The following CCSER1 variants were observed in gnomAD, a reference collection of about 807,000 sequenced individuals.
CCSER1 encodes serine-rich coiled-coil domain-containing protein 1.
CCSER1 carries 41 observed loss-of-function variants against 82.0 expected under a neutral mutation model. That is an observed-to-expected ratio of 0.50 (90% CI 0.39 to 0.65). The LOEUF (loss-of-function observed/expected upper bound fraction) is 0.65, where lower values mean the gene tolerates loss of function less well. Ranked by LOEUF, CCSER1 falls within the 30% of genes least tolerant of loss-of-function variation. The pLI, the probability that CCSER1 is intolerant of heterozygous loss-of-function variation, is 0.00. For synonymous variants in CCSER1, 414 were observed against 383.9 expected, an observed-to-expected ratio of 1.08 and a Z score of -0.92; for missense variants, 1,119 against 1,064.2, an observed-to-expected ratio of 1.05 and a Z score of -0.72.
intron 5 of CCSER1, among the ~76,000 whole-genome samples, chr4:90,506,086 C>A (rs1484814888): frequency 1.3e-5 from 2 of 152,130 alleles, no homozygotes; most frequent in Admixed American, 1.3e-4. Context: ...TTCCTCAGAC[C>A]TAGCACATGT....
At chr4:90,605,939 A>G (rs573398865) in intron 5 of CCSER1, among the ~76,000 whole-genome samples, 7 of 152,266 alleles carry the variant, frequency 4.6e-5, no homozygotes, top group Non-Finnish European at 1.5e-5. Flanking sequence ...TGCCAAATCA[A>G]TGCTTAAATT....
At chr4:90,749,915 A>C (rs994567068) in intron 7 of CCSER1, among the ~76,000 whole-genome samples, 7 of 151,912 alleles carry the variant, frequency 4.6e-5, no homozygotes, top group African/African-American at 9.7e-5. Context: ...CCAACAGTGT[A>C]AAAGTGTTCC....
At chr4:90,356,157 C>T (rs1005127923) in intron 3 of CCSER1, among the ~76,000 whole-genome samples, 1 of 151,840 alleles carries the variant, frequency 6.6e-6, no homozygotes. Context: ...GCCCAACTTA[C>T]AGTATATCAA....
chr4:91,211,826 T>C (rs1736845811), intron 10 of CCSER1, among the ~76,000 whole-genome samples: 1 of 150,852 alleles, frequency 6.6e-6, no homozygotes, highest in Non-Finnish European at 1.5e-5. Context: ...CAGTAGTAAA[T>C]AGTGATAGAA....
intron 6 of CCSER1, among the ~76,000 whole-genome samples, chr4:90,646,418 T>C (rs1399887661): frequency 6.6e-6 from 1 of 151,956 alleles, no homozygotes; most frequent in Non-Finnish European, 1.5e-5. Context: ...GTTTAGGAGG[T>C]AGAGTTGGAA....
chr4:90,406,100 G>A (rs1753681806), intron 4 of CCSER1, among the ~76,000 whole-genome samples: 1 of 152,098 alleles, frequency 6.6e-6, no homozygotes. Context: ...AAACAAGTTT[G>A]TTCTGTTTTC....
intron 10 of CCSER1, among the ~76,000 whole-genome samples, chr4:91,196,371 G>A (rs1319721955): frequency 2.6e-5 from 4 of 151,700 alleles, no homozygotes; most frequent in Admixed American, 2.0e-4. Context: ...ATTCAATAAG[G>A]AAGAGTAAAA....
chr4:91,088,684 A>G (rs1723630695), intron 10 of CCSER1, among the ~76,000 whole-genome samples: 1 of 152,182 alleles, frequency 6.6e-6, no homozygotes, highest in Admixed American at 6.5e-5. Context: ...TGATTATAAT[A>G]GATAATAAAA....
At chr4:90,733,318 C>T (rs189471604) in intron 7 of CCSER1, among the ~76,000 whole-genome samples, 15 of 152,190 alleles carry the variant, frequency 9.9e-5, no homozygotes, top group Admixed American at 3.3e-4. Flanking sequence ...ATGTGTTTCC[C>T]ATTTGTATAT....
intron 4 of CCSER1, among the ~76,000 whole-genome samples, chr4:90,412,134 T>A (rs545865621): frequency 4.6e-5 from 7 of 151,932 alleles, no homozygotes; most frequent in Admixed American, 4.6e-4. Flanking sequence ...CTATGCAGCC[T>A]TAAGAAAGGA....
chr4:91,218,800 CCTAT>C lies in CCSER1; in HGVS notation c.2217+132809_2217+132812del, dbSNP rs1302464647. On this transcript the variant is annotated intron_variant, in intron 10 of 10. Coordinates refer to ENST00000509176, the MANE Select transcript of CCSER1 (RefSeq NM_001145065.2). Reference sequence around the variant, plus strand: ...TATTACCATAAGTGACCAACACTGGCCTATCTGTTTATCACCTACTCCTGGAAAC... The same window carrying C: ...TATTACCATAAGTGACCAACACTGGCCTGTTTATCACCTACTCCTGGAAAC... Among the ~76,000 whole-genome samples the C allele has an allele frequency of 2.6e-5, 4 of 152,244 alleles. No homozygotes were observed. In the South Asian group the frequency reaches 8.3e-4, roughly 32 times the overall value.
rs1465605991 is a variant in CCSER1 at position 91,031,058 on chromosome 4, T to C, written c.2173-54892T>C. The stretch of plus-strand genomic sequence containing the variant: ...AGGGAAAATGAGAAGCAAAAGCATA[T>C]TTCTATGTGAAAGTGTTTTTGTTTT... On this transcript the variant is annotated intron_variant, in intron 9 of 10. Coordinates refer to ENST00000509176, the MANE Select transcript of CCSER1 (RefSeq NM_001145065.2). Among the ~76,000 whole-genome samples the C allele has an allele frequency of 2.6e-5, 4 of 152,164 alleles. No individual in the cohort carries two copies. In the East Asian group the frequency reaches 7.7e-4, roughly 29 times the overall value.
At chr4:90,839,287 CTT>C (rs1762259601) in intron 8 of CCSER1, among the ~76,000 whole-genome samples, 1 of 152,182 alleles carries the variant, frequency 6.6e-6, no homozygotes, top group Admixed American at 6.5e-5. Flanking sequence ...CTATCACACA[CTT>C]AGATAAGTTT....
chr4:90,183,507 G>C (rs755971967), intron 1 of CCSER1, among the ~76,000 whole-genome samples: 4 of 152,020 alleles, frequency 2.6e-5, no homozygotes, highest in Non-Finnish European at 4.4e-5. Context: ...CTTTCCCTAC[G>C]AAGGGCTATC....
chr4:90,916,174 C>T (rs1302750547), intron 8 of CCSER1, among the ~76,000 whole-genome samples: 1 of 152,046 alleles, frequency 6.6e-6, no homozygotes, highest in African/African-American at 2.4e-5. Flanking sequence ...CTTTAAAGTT[C>T]ATATGGAACC....
rs375354003 is a variant in CCSER1 at position 91,153,874 on chromosome 4, T to C, written c.2217+67880T>C. On this transcript the variant is annotated intron_variant, in intron 10 of 10. Transcript: ENST00000509176. ...CTGCCTGATGCTTCCTCTGGAAGCT[T>C]TGTCTCAGAGGGGCCCCCGGCTGTA... 2.9e-3 allele frequency among the ~76,000 whole-genome samples: 444 copies of C among 151,906 alleles called. 2 individuals are homozygous for C. The highest frequency in any genetic ancestry group is 0.01 in the African/African-American group (418 of 41,488).
chr4:91,242,052 G>A (rs1427206210), intron 10 of CCSER1, among the ~76,000 whole-genome samples: 1 of 152,062 alleles, frequency 6.6e-6, no homozygotes, highest in Non-Finnish European at 1.5e-5. Flanking sequence ...GTTAATGAAA[G>A]ATAGTAAGAG....
At chr4:91,375,978 T>C (rs1312478518) in intron 10 of CCSER1, among the ~76,000 whole-genome samples, 1 of 152,086 alleles carries the variant, frequency 6.6e-6, no homozygotes, top group Non-Finnish European at 1.5e-5. Flanking sequence ...ATTACAATTA[T>C]ATATATTAAA....
At chr4:90,881,276 G>A (rs960812011) in intron 8 of CCSER1, among the ~76,000 whole-genome samples, 2 of 151,870 alleles carry the variant, frequency 1.3e-5, no homozygotes, top group Non-Finnish European at 2.9e-5. Flanking sequence ...ACACACACAT[G>A]CAGGAGAGGA....
Sources: gnomAD v4.1 joint callset for allele counts (sites outside exome capture counted in the v4.1 genomes callset) on GRCh38, gnomAD v4.1.1 for gene constraint, MANE v1.5 for transcripts, NCBI Gene and HGNC (gene_info 2026-07-23, HGNC 2026-07-21) for gene names.